The following KIAA0040 variants were observed in gnomAD, a reference collection of about 807,000 sequenced individuals.
The protein encoded by KIAA0040 is KIAA0040.
Under a neutral mutation model 7.2 loss-of-function variants are expected in KIAA0040, and 10 were observed. The observed-to-expected ratio is 1.38, with a 90% CI of 0.85 to 2.34. The LOEUF (loss-of-function observed/expected upper bound fraction) is 2.34, where lower values mean the gene tolerates loss of function less well. KIAA0040 is among the 30% of genes most tolerant of loss of function. The pLI is 0.00. For synonymous variants in KIAA0040, 49 were observed against 40.1 expected, an observed-to-expected ratio of 1.22 and a Z score of -0.84; for missense variants, 89 against 108.2, an observed-to-expected ratio of 0.82 and a Z score of 0.79.
At chr1:175,177,747 T>C (rs1290577159) in intron 1 of KIAA0040, 63 bp from the exon 2 acceptor site, 1 of 152,210 alleles carries the variant, frequency 6.6e-6, no homozygotes, top group African/African-American at 2.4e-5. Context: ...TTGGGGGCAG[T>C]GCAGGAAGGG....
chr1:175,178,584 T>C (rs1053243913), intron 1 of KIAA0040, among the ~76,000 whole-genome samples: 2 of 152,222 alleles, frequency 1.3e-5, no homozygotes, highest in African/African-American at 2.4e-5. Flanking sequence ...GTAACCGACA[T>C]AGTGCTGGAG....
chr1:175,174,660 C>T (rs1032780885), intron 2 of KIAA0040, among the ~76,000 whole-genome samples: 1 of 152,192 alleles, frequency 6.6e-6, no homozygotes, highest in Non-Finnish European at 1.5e-5. Context: ...GAACACTGAG[C>T]TTCTCTTACT....
At position 175,159,410 on chromosome 1, in the gene KIAA0040, G is replaced by A. The variant is rs1676434700; in HGVS notation, c.*1304C>T. ...AGAGAAGATCACTCGGGGAGAACTG[G>A]TGAGGTATTACAAGCTTACCCTTAA... On this transcript the variant is annotated 3_prime_UTR_variant, in exon 4 of 4. Coordinates refer to ENST00000423313, the MANE Select transcript of KIAA0040 (RefSeq NM_014656.3). 1 of 152,242 alleles carries A rather than the reference G, an allele frequency of 6.6e-6. No homozygotes were observed. Among genetic ancestry groups the A allele is most frequent in the African/African-American group, 2.4e-5 (1 of 41,454 alleles). 9.4% of individuals were successfully genotyped at this position (152,242 alleles called of 1,614,324 possible). A position where few individuals can be genotyped will look rare whatever the true frequency, so the allele number is the denominator to read the frequency against.
intron 1 of KIAA0040, among the ~76,000 whole-genome samples, chr1:175,186,358 C>T (rs1677659749): frequency 6.6e-6 from 1 of 152,200 alleles, no homozygotes; most frequent in Admixed American, 6.5e-5. Flanking sequence ...ATTCCAATGC[C>T]AAGTGTTGAA....
intron 1 of KIAA0040, 74 bp downstream of exon 1, chr1:175,192,566 G>A (rs1291857888): frequency 1.3e-5 from 2 of 152,200 alleles, no homozygotes; most frequent in Non-Finnish European, 2.9e-5. Context: ...AGGAGTGACT[G>A]GGCGTCTTCT....
intron 3 of KIAA0040, among the ~76,000 whole-genome samples, chr1:175,163,950 T>C (rs1676653559): frequency 6.6e-6 from 1 of 151,974 alleles, no homozygotes; most frequent in African/African-American, 2.4e-5. Flanking sequence ...TGCGTAGTAT[T>C]TTGACAGAGA....
At chr1:175,180,889 T>C (rs139063072) in intron 1 of KIAA0040, among the ~76,000 whole-genome samples, 161 of 152,346 alleles carry the variant, frequency 1.1e-3, no homozygotes, top group African/African-American at 3.7e-3. Flanking sequence ...TCTCACTCTG[T>C]CACCCAGGCT....
At chr1:175,167,483 G>A (rs1208726522) in intron 2 of KIAA0040, among the ~76,000 whole-genome samples, 1 of 152,182 alleles carries the variant, frequency 6.6e-6, no homozygotes, top group African/African-American at 2.4e-5. Flanking sequence ...GTGGGGTGAG[G>A]GTGGATGGCA....
In KIAA0040 at chr1:175,192,336, T is replaced by C. The variant is rs573623864; in HGVS notation, c.-384+304A>G. ...TTCTCAGTAAAAAACAGAATTTCCATGTGTCCCCTTCAAAGCGCTCCTACC... is the reference window on the plus strand; with the variant it reads ...TTCTCAGTAAAAAACAGAATTTCCACGTGTCCCCTTCAAAGCGCTCCTACC... On this transcript the variant is annotated intron_variant, in intron 1 of 3. Coordinates refer to ENST00000423313, the MANE Select transcript of KIAA0040 (RefSeq NM_014656.3). Among the ~76,000 whole-genome samples, 7 of 152,294 alleles carry C rather than the reference T, an allele frequency of 4.6e-5. No homozygotes were observed. In the South Asian group the frequency reaches 6.2e-4, roughly 14 times the overall value.
chr1:175,192,383 C>T (rs1040934626), intron 1 of KIAA0040, among the ~76,000 whole-genome samples: 1 of 152,152 alleles, frequency 6.6e-6, no homozygotes, highest in African/African-American at 2.4e-5. Context: ...TAAGGTAACT[C>T]CACCGCCGAC....
rs1430703140 is a variant in KIAA0040 at position 175,160,656 on chromosome 1, G to A, written c.*58C>T. On this transcript the variant is annotated 3_prime_UTR_variant, in exon 4 of 4. Coordinates refer to ENST00000423313, the MANE Select transcript of KIAA0040 (RefSeq NM_014656.3). ...TATTTCAGGGGTTCCTGAAATGTCT[G>A]TGTGTGGTCAGAAGGAGGCTTAGCC... 1 of 1,439,096 alleles carries A rather than the reference G, an allele frequency of 6.9e-7. No homozygotes were observed. The highest frequency in any genetic ancestry group is 2.5e-5 in the Admixed American group (1 of 40,624). The allele number at this position is 1,439,096 out of a possible 1,614,324, so 89.1% of individuals were successfully genotyped here.
rs78717383 is a variant in KIAA0040 at position 175,190,955 on chromosome 1, T to C, written c.-384+1685A>G. Among the ~76,000 whole-genome samples, 968 of 152,360 alleles carry C rather than the reference T, an allele frequency of 6.4e-3. 5 individuals carry two copies. The highest frequency in any genetic ancestry group is 0.02 in the African/African-American group (819 of 41,584). On this transcript the variant is annotated intron_variant, in intron 1 of 3. Transcript: ENST00000423313. ...AAAACACACTTTCCCTAGGAACTCCTAGTCATTTCCAAGACCCTGCTCATC... is the reference window on the plus strand; with the variant it reads ...AAAACACACTTTCCCTAGGAACTCCCAGTCATTTCCAAGACCCTGCTCATC...
chr1:175,191,871 T>C (rs1359061155), intron 1 of KIAA0040, among the ~76,000 whole-genome samples: 1 of 152,238 alleles, frequency 6.6e-6, no homozygotes, highest in African/African-American at 2.4e-5. Flanking sequence ...TAGCATGGCA[T>C]GCTGGCTGCC....
chr1:175,168,841 G>A (rs978223156), intron 2 of KIAA0040, among the ~76,000 whole-genome samples: 8 of 152,124 alleles, frequency 5.3e-5, no homozygotes, highest in Non-Finnish European at 8.8e-5. Context: ...AGCCCCTTAC[G>A]TCTCTGTGGG....
rs1374561888 is a variant in KIAA0040, at chr1:175,161,047, T to G, written c.-34A>C. 6.6e-7 allele frequency: 1 copy of G among 1,522,294 alleles called. No homozygotes were observed. The highest frequency in any genetic ancestry group is 2.1e-5 in the Admixed American group (1 of 47,522). The allele number at this position is 1,522,294 out of a possible 1,614,324, so 94.3% of individuals were successfully genotyped here. ...GCTAGATTAGGGCCAGAGAACCCTC[T>G]CGGCTTACAAGCAGGTCCTGGGCTC... On this transcript the variant is annotated 5_prime_UTR_variant, in exon 4 of 4. Coordinates refer to ENST00000423313, the MANE Select transcript of KIAA0040 (RefSeq NM_014656.3).
rs188384767 is a variant in KIAA0040, at chr1:175,159,741, C to T, written c.*973G>A. 3.3e-5 allele frequency: 5 copies of T among 152,318 alleles called. No homozygotes were observed. In the East Asian group the frequency reaches 7.7e-4, roughly 24 times the overall value. The allele number at this position is 152,318 out of a possible 1,614,324, so 9.4% of individuals were successfully genotyped here. On this transcript the variant is annotated 3_prime_UTR_variant, in exon 4 of 4. Transcript: ENST00000423313. ...TGTAGCATCTCCTCACCCTTTCCAT[C>T]TGTAAACATTGCACAGGTACACAGT...
At chr1:175,168,470 G>A (rs1268707985) in intron 2 of KIAA0040, among the ~76,000 whole-genome samples, 1 of 152,068 alleles carries the variant, frequency 6.6e-6, no homozygotes, top group Admixed American at 6.6e-5. Context: ...CAGAATTGAT[G>A]TTATAATTAT....
chr1:175,161,134 C>CTA lies in KIAA0040; in HGVS notation c.-122_-121insTA. On this transcript the variant is annotated 5_prime_UTR_variant, in exon 4 of 4. Transcript: ENST00000423313. The stretch of plus-strand genomic sequence containing the variant: ...TCTTCCAGCTTTGGGTTTGGGCATG[C>CTA]CACTGGCAGCACCTGAAGAGATTAA... 7 of 857,974 alleles carry CTA rather than the reference C, an allele frequency of 8.2e-6. No individual in the cohort carries two copies. Among genetic ancestry groups the CTA allele is most frequent in the South Asian group, 3.7e-5 (2 of 54,718 alleles). 53.1% of individuals were successfully genotyped at this position (857,974 alleles called of 1,614,324 possible). A position where few individuals can be genotyped will look rare whatever the true frequency, so the allele number is the denominator to read the frequency against.
chr1:175,163,563 C>A (rs888433506), intron 3 of KIAA0040, among the ~76,000 whole-genome samples: 1 of 152,202 alleles, frequency 6.6e-6, no homozygotes, highest in Non-Finnish European at 1.5e-5. Flanking sequence ...TGCTTCTAAG[C>A]CCCGGTGATG....
Sources: allele counts gnomAD v4.1 joint callset (sites outside exome capture counted in the v4.1 genomes callset), GRCh38; gene constraint gnomAD v4.1.1; transcripts MANE v1.5; gene names NCBI Gene and HGNC (gene_info 2026-07-23, HGNC 2026-07-21).